GRIP1: variants seen among roughly 807,000 people sequenced by gnomAD.
GRIP1 encodes glutamate receptor interacting protein 1, also known as glutamate receptor-interacting protein 1.
GRIP1 carries 45 observed loss-of-function variants against 129.9 expected under a neutral mutation model. The observed-to-expected ratio is 0.35, with a 90% CI of 0.27 to 0.44. The LOEUF is 0.44. Ranked by LOEUF, GRIP1 falls within the 20% of genes least tolerant of loss-of-function variation. The probability of loss-of-function intolerance (pLI) is 1.00; values close to 1 mark genes in which losing one functional copy is unlikely to be tolerated. For synonymous variants in GRIP1, 530 were observed against 520.8 expected (o/e 1.02, Z -0.24); for missense variants, 1,196 against 1,396.8 (o/e 0.86, Z 2.29).
At chr12:66,411,970 A>G (rs1162168700) in intron 15 of GRIP1, among the ~76,000 whole-genome samples, 1 of 152,184 alleles carries the variant, frequency 6.6e-6, no homozygotes, top group East Asian at 1.9e-4. Context: ...CTCCAAAAAT[A>G]TGGGATTATG....
intron 2 of GRIP1, among the ~76,000 whole-genome samples, chr12:66,558,425 C>A (rs1290393383): frequency 6.6e-6 from 1 of 152,138 alleles, no homozygotes; most frequent in Admixed American, 6.5e-5. Flanking sequence ...CCCCGTGATT[C>A]AATTATCTCC....
chr12:66,815,597 C>G (rs931746062), intron 1 of GRIP1, among the ~76,000 whole-genome samples: 1 of 151,830 alleles, frequency 6.6e-6, no homozygotes, highest in Non-Finnish European at 1.5e-5. Context: ...CCCATCTCTA[C>G]AAAAAATAAA....
intron 1 of GRIP1, among the ~76,000 whole-genome samples, chr12:67,025,118 A>T (rs1105245): frequency 6.6e-6 from 1 of 151,934 alleles, no homozygotes; most frequent in African/African-American, 2.4e-5. Flanking sequence ...GCAGGCAGAT[A>T]ACTTGAGGTC....
chr12:66,787,922 G>A (rs573418311), intron 1 of GRIP1, among the ~76,000 whole-genome samples: 5 of 152,164 alleles, frequency 3.3e-5, no homozygotes, highest in East Asian at 3.9e-4. Flanking sequence ...CAGCCAAGGC[G>A]CCTTATTGTG....
intron 1 of GRIP1, among the ~76,000 whole-genome samples, chr12:66,828,999 C>A (rs2137010597): frequency 6.6e-6 from 1 of 152,284 alleles, no homozygotes; most frequent in East Asian, 1.9e-4. Flanking sequence ...ACCCTAGAGG[C>A]AGACTGAAAA....
At chr12:66,388,222 C>G (rs2056435898) in intron 19 of GRIP1, among the ~76,000 whole-genome samples, 1 of 151,284 alleles carries the variant, frequency 6.6e-6, no homozygotes, top group Non-Finnish European at 1.5e-5. Flanking sequence ...AATTAAGGAA[C>G]AATATTATGG....
Position 66,656,800 on chromosome 12 carries a change from C to T in GRIP1, c.55+22050G>A, listed in dbSNP as rs12300343. Among the ~76,000 whole-genome samples the T allele has an allele frequency of 9.2e-3, 1,402 of 152,142 alleles. 17 individuals are homozygous for T. The highest frequency in any genetic ancestry group is 0.032 in the African/African-American group (1,343 of 41,488). On this transcript the variant is annotated intron_variant, in intron 1 of 24. Transcript: ENST00000359742. ...CTCTTGAAGGTATTTCAGTTTGCAACCCGACCTCCTCTTCTCAGATACTTT... is the reference window on the plus strand; with the variant it reads ...CTCTTGAAGGTATTTCAGTTTGCAATCCGACCTCCTCTTCTCAGATACTTT...
intron 1 of GRIP1, among the ~76,000 whole-genome samples, chr12:66,898,723 G>T (rs941376172): frequency 6.6e-6 from 1 of 151,866 alleles, no homozygotes; most frequent in South Asian, 2.1e-4. Context: ...ATCCCTTATC[G>T]TTACAGATTT....
chr12:66,935,754 C>G (rs2041473050), intron 1 of GRIP1, among the ~76,000 whole-genome samples: 1 of 152,114 alleles, frequency 6.6e-6, no homozygotes, highest in South Asian at 2.1e-4. Flanking sequence ...AAGTGAGGTA[C>G]AGAAACAGTG....
intron 21 of GRIP1, 22 bp downstream of exon 21, chr12:66,377,148 AAAGT>A (rs1323565369): frequency 3.8e-6 from 6 of 1,570,426 alleles, no homozygotes; most frequent in South Asian, 2.2e-5. Context: ...AGAAACAATA[AAAGT>A]AAGTAGCAGG....
chr12:66,793,471 A>C (rs1216125236), intron 1 of GRIP1, among the ~76,000 whole-genome samples: 1 of 152,222 alleles, frequency 6.6e-6, no homozygotes, highest in East Asian at 1.9e-4. Context: ...ACAACAACAA[A>C]GTCACACTAG....
At chr12:66,492,902 C>G (rs936446643) in intron 7 of GRIP1, among the ~76,000 whole-genome samples, 1 of 152,018 alleles carries the variant, frequency 6.6e-6, no homozygotes, top group African/African-American at 2.4e-5. Flanking sequence ...CCTAGCTACT[C>G]AGGAGGGTGA....
At chr12:67,013,710 G>A (rs1447895544) in intron 1 of GRIP1, among the ~76,000 whole-genome samples, 1 of 152,138 alleles carries the variant, frequency 6.6e-6, no homozygotes, top group Non-Finnish European at 1.5e-5. Context: ...AGAGAATGTG[G>A]TTGTCTGCCC....
chr12:66,382,923 A>T (rs767426467), intron 19 of GRIP1, among the ~76,000 whole-genome samples: 1 of 152,198 alleles, frequency 6.6e-6, no homozygotes, highest in Non-Finnish European at 1.5e-5. Flanking sequence ...AAGGTGGGTC[A>T]TGAAGGGTGC....
chr12:66,887,929 T>C (rs1483146435), intron 1 of GRIP1, among the ~76,000 whole-genome samples: 1 of 152,250 alleles, frequency 6.6e-6, no homozygotes, highest in East Asian at 1.9e-4. Context: ...CTGTCCTTGG[T>C]GTGCATCAAA....
At position 66,441,760 on chromosome 12, in the gene GRIP1, G is replaced by A. The variant is rs180903975; in HGVS notation, c.1687+2824C>T. The stretch of plus-strand genomic sequence containing the variant: ...ATCTTTTTTCTCTAGTATTAGCAGT[G>A]GATTTGCCAACTCATCTCTAAAATA... On this transcript the variant is annotated intron_variant, in intron 13 of 24. Transcript: ENST00000359742. Among the ~76,000 whole-genome samples, 7 of 152,190 alleles carry A rather than the reference G, an allele frequency of 4.6e-5. No homozygotes were observed. In the East Asian group the frequency reaches 1.2e-3, roughly 25 times the overall value.
At chr12:66,951,846 T>A (rs950660513) in intron 1 of GRIP1, among the ~76,000 whole-genome samples, 1 of 151,702 alleles carries the variant, frequency 6.6e-6, no homozygotes. Context: ...TATCAGGTTA[T>A]CTCCTAGGTT....
chr12:66,365,607 A>G (rs532741883), intron 23 of GRIP1, among the ~76,000 whole-genome samples: 6 of 152,324 alleles, frequency 3.9e-5, no homozygotes, highest in South Asian at 2.1e-4. Flanking sequence ...CCACAGTTCT[A>G]TGTTCCCCTG....
In GRIP1 at chr12:66,445,475, C is replaced by G; in HGVS notation, c.1388G>C (p.Gly463Ala). The G allele has an allele frequency of 3.1e-6, 5 of 1,613,918 alleles. No homozygotes were observed. The highest frequency in any genetic ancestry group is 4.2e-6 in the Non-Finnish European group (5 of 1,179,926). The stretch of plus-strand genomic sequence containing the variant: ...TGTGGTTTCTGTGTGAACAACCTGC[C>G]CAGCCAATCCTACTGTGCTGGAGGC... ...SLASSTVGLA[G>A]QVVHTETTEV... is the part of the protein sequence containing the mutation. The change falls in exon 12 of 25, where the codon GGG (glycine) becomes GCG (alanine). Residue 463 changes from glycine to alanine, a missense_variant. Transcript: ENST00000359742.
Sources: gnomAD v4.1 joint callset for allele counts (sites outside exome capture counted in the v4.1 genomes callset) on GRCh38, gnomAD v4.1.1 for gene constraint, MANE v1.5 for transcripts, NCBI Gene and HGNC (gene_info 2026-07-23, HGNC 2026-07-21) for gene names.